ARMH3: variants seen among roughly 807,000 people sequenced by gnomAD.
ARMH3 encodes armadillo-like helical domain-containing protein 3.
ARMH3 carries 60 observed loss-of-function variants against 99.1 expected under a neutral mutation model. The observed-to-expected ratio is 0.61, with a 90% CI of 0.49 to 0.75. The LOEUF (loss-of-function observed/expected upper bound fraction) is 0.75. ARMH3 is among the 30% of genes least tolerant of loss of function. ARMH3 has a pLI of 0.00. For synonymous variants in ARMH3, 285 were observed against 292.8 expected (o/e 0.97, Z 0.27); for missense variants, 679 against 843.1 (o/e 0.81, Z 2.41).
chr10:101,974,877 G>A (rs1390971316), intron 20 of ARMH3, among the ~76,000 whole-genome samples: 1 of 151,650 alleles, frequency 6.6e-6, no homozygotes, highest in Non-Finnish European at 1.5e-5. Context: ...ACCCAAGTTT[G>A]TACCGACTCC....
chr10:101,989,465 A>G (rs1846665932), intron 19 of ARMH3, among the ~76,000 whole-genome samples: 1 of 152,192 alleles, frequency 6.6e-6, no homozygotes, highest in Non-Finnish European at 1.5e-5. Context: ...TCATGCCTGT[A>G]GTCCCAGCAC....
chr10:101,993,673 G>T, intron 16 of ARMH3, 70 bp from the exon 17 acceptor site: 1 of 1,071,210 alleles, frequency 9.3e-7, no homozygotes, highest in Non-Finnish European at 1.4e-6. Flanking sequence ...ATCACACTTC[G>T]TACAAATCCT....
chr10:102,000,580 G>A (rs1014031532), intron 15 of ARMH3, among the ~76,000 whole-genome samples: 1 of 119,198 alleles, frequency 8.4e-6, no homozygotes, highest in Non-Finnish European at 1.8e-5. Flanking sequence ...GCAACATGGC[G>A]AAACCCCGTA....
At chr10:101,873,823 T>C (rs2067194677) in intron 24 of ARMH3, among the ~76,000 whole-genome samples, 1 of 152,228 alleles carries the variant, frequency 6.6e-6, no homozygotes, top group Admixed American at 6.5e-5. Flanking sequence ...CCTCCTTCTT[T>C]TTTTATGGCT....
intron 19 of ARMH3, among the ~76,000 whole-genome samples, chr10:101,976,277 T>C (rs753105972): frequency 6.7e-6 from 1 of 149,720 alleles, no homozygotes; most frequent in Non-Finnish European, 1.5e-5. Flanking sequence ...GAAGCAAAGG[T>C]TGCAGTGAAC....
intron 13 of ARMH3, among the ~76,000 whole-genome samples, chr10:102,008,670 A>T (rs955827890): frequency 6.6e-6 from 1 of 151,834 alleles, no homozygotes; most frequent in African/African-American, 2.4e-5. Flanking sequence ...CTCCTGCCTC[A>T]GCCTCCCAAG....
At chr10:101,955,322 A>C (rs547402692) in intron 22 of ARMH3, among the ~76,000 whole-genome samples, 1 of 152,324 alleles carries the variant, frequency 6.6e-6, no homozygotes, top group African/African-American at 2.4e-5. Flanking sequence ...TTGTTGAGCA[A>C]CTGATCATAC....
At chr10:101,974,841 C>A (rs561424483) in intron 20 of ARMH3, among the ~76,000 whole-genome samples, 1 of 151,914 alleles carries the variant, frequency 6.6e-6, no homozygotes, top group African/African-American at 2.4e-5. Context: ...AGTCCATATG[C>A]GGCTATCAAA....
At chr10:101,892,165 C>G (rs554473258) in intron 23 of ARMH3, among the ~76,000 whole-genome samples, 2 of 152,106 alleles carry the variant, frequency 1.3e-5, no homozygotes, top group East Asian at 3.9e-4. Context: ...GGTGCGTGGG[C>G]TGGGTGCAGT....
At chr10:101,886,770 T>C (rs2067557781) in intron 24 of ARMH3, among the ~76,000 whole-genome samples, 1 of 152,026 alleles carries the variant, frequency 6.6e-6, no homozygotes, top group East Asian at 1.9e-4. Context: ...AATTCACAAA[T>C]CTCTTTGCCA....
intron 24 of ARMH3, among the ~76,000 whole-genome samples, chr10:101,868,940 C>T (rs1171812970): frequency 6.6e-6 from 1 of 151,934 alleles, no homozygotes; most frequent in Non-Finnish European, 1.5e-5. Flanking sequence ...GGTGTGGTGG[C>T]AGGCGCCTGT....
intron 2 of ARMH3, among the ~76,000 whole-genome samples, chr10:102,038,901 G>A (rs901325153): frequency 6.6e-6 from 1 of 151,718 alleles, no homozygotes; most frequent in Non-Finnish European, 1.5e-5. Context: ...CACCACACCT[G>A]GATAATTTTT....
At chr10:101,919,604 C>T (rs979880378) in intron 23 of ARMH3, among the ~76,000 whole-genome samples, 7 of 152,088 alleles carry the variant, frequency 4.6e-5, no homozygotes, top group Non-Finnish European at 8.8e-5. Flanking sequence ...CTGGTGGCTG[C>T]GGCACAGTGG....
chr10:101,914,085 T>C (rs147222653), intron 23 of ARMH3, among the ~76,000 whole-genome samples: 4 of 152,278 alleles, frequency 2.6e-5, no homozygotes, highest in Admixed American at 2.0e-4. Context: ...TAATGACTAA[T>C]TAAGTGTTGG....
intron 2 of ARMH3, among the ~76,000 whole-genome samples, chr10:102,039,706 G>A (rs1474273002): frequency 2.0e-5 from 3 of 152,140 alleles, no homozygotes; most frequent in African/African-American, 7.2e-5. Flanking sequence ...TAGAGCATAA[G>A]GAGAGCAAGT....
At chr10:102,000,231 T>C (rs11191175) in intron 15 of ARMH3, among the ~76,000 whole-genome samples, 4 of 152,208 alleles carry the variant, frequency 2.6e-5, no homozygotes, top group South Asian at 2.1e-4. Flanking sequence ...TTCTGTATAC[T>C]AGAATTTTTT....
rs2067029735 is a variant in ARMH3, at chr10:101,867,446, A to C, written c.1861-17554T>G. ...TCATTACATATGGTACTCTATGCAA[A>C]GGACTGTCAATGCTGTGGGAGAAAA... On this transcript the variant is annotated intron_variant, in intron 24 of 25. Transcript: ENST00000370033. Among the ~76,000 whole-genome samples, 7 of 152,332 alleles carry C rather than the reference A, an allele frequency of 4.6e-5. No homozygotes were observed. The South Asian group carries it at 1.5e-3, about 32-fold the overall frequency.
chr10:102,051,280 C>T (rs1192683014), intron 1 of ARMH3, among the ~76,000 whole-genome samples: 2 of 151,838 alleles, frequency 1.3e-5, no homozygotes, highest in Non-Finnish European at 2.9e-5. Context: ...CGAGACCAGC[C>T]TGGCCAACAC....
intron 25 of ARMH3, among the ~76,000 whole-genome samples, chr10:101,849,130 T>G (rs949940102): frequency 6.6e-6 from 1 of 152,182 alleles, no homozygotes; most frequent in Non-Finnish European, 1.5e-5. Flanking sequence ...CAGGTCCTGG[T>G]CTCAGTCCCC....
Sources: allele counts gnomAD v4.1 joint callset (sites outside exome capture counted in the v4.1 genomes callset), GRCh38; gene constraint gnomAD v4.1.1; transcripts MANE v1.5; gene names NCBI Gene and HGNC (gene_info 2026-07-23, HGNC 2026-07-21).